The following ZDHHC14 variants were observed in gnomAD, a reference collection of about 807,000 sequenced individuals.
The protein encoded by ZDHHC14 is zDHHC palmitoyltransferase 14.
Under a neutral mutation model 47.7 loss-of-function variants are expected in ZDHHC14, and 16 were observed. That is an observed-to-expected ratio of 0.34 (90% CI 0.23 to 0.51). ZDHHC14 has a LOEUF of 0.51. ZDHHC14 is among the 20% of genes least tolerant of loss of function. ZDHHC14 has a pLI of 0.97. For synonymous variants in ZDHHC14, 293 were observed against 278.9 expected, an observed-to-expected ratio of 1.05 and a Z score of -0.50; for missense variants, 515 against 662.5, an observed-to-expected ratio of 0.78 and a Z score of 2.44.
At chr6:157,452,678 T>C (rs1292571793) in intron 1 of ZDHHC14, among the ~76,000 whole-genome samples, 1 of 145,942 alleles carries the variant, frequency 6.9e-6, no homozygotes, top group African/African-American at 2.5e-5. Context: ...TAAAGATCAC[T>C]AATACATGGG....
At chr6:157,538,149 G>T (rs35949812) in intron 1 of ZDHHC14, among the ~76,000 whole-genome samples, 30,276 of 152,096 alleles carry the variant, frequency 0.2, 3,629 homozygotes, top group East Asian at 0.37. Context: ...GGTGGAACGG[G>T]ACTGTCACAG....
intron 1 of ZDHHC14, among the ~76,000 whole-genome samples, chr6:157,384,530 C>T (rs2749665): frequency 0.84 from 128,549 of 152,162 alleles, 54,585 homozygotes; most frequent in Middle Eastern, 0.95. Context: ...TCTGTGGGAG[C>T]GTATGTGTGT....
rs144414438 is a variant in ZDHHC14, at chr6:157,387,382, G to A, written c.245+5116G>A. 3.8e-3 allele frequency among the ~76,000 whole-genome samples: 576 copies of A among 152,252 alleles called. 8 individuals carry two copies. The highest frequency in any genetic ancestry group is 0.013 in the African/African-American group (548 of 41,544). On this transcript the variant is annotated intron_variant, in intron 1 of 8. Coordinates refer to ENST00000359775, the MANE Select transcript of ZDHHC14 (RefSeq NM_024630.3). ...ATGGGTAACTTATTTTCTAGTAGAGGGTGCTGCCTTTATAATATATAATAA... is the reference window on the plus strand; with the variant it reads ...ATGGGTAACTTATTTTCTAGTAGAGAGTGCTGCCTTTATAATATATAATAA...
At chr6:157,672,609 T>C (rs1778846619) in intron 8 of ZDHHC14, 115 bp from the exon 9 acceptor site, 8 of 1,137,636 alleles carry the variant, frequency 7.0e-6, no homozygotes, top group South Asian at 1.6e-5. Flanking sequence ...TCACTAACGG[T>C]TTCTCTCTTC....
At chr6:157,493,864 T>C (rs1779990027) in intron 1 of ZDHHC14, among the ~76,000 whole-genome samples, 1 of 152,246 alleles carries the variant, frequency 6.6e-6, no homozygotes, top group African/African-American at 2.4e-5. Flanking sequence ...CCAGGGTCAC[T>C]GTGTCCCTCT....
chr6:157,672,627 C>G, intron 8 of ZDHHC14, 97 bp from the exon 9 acceptor site: 1 of 236,474 alleles, frequency 4.2e-6, no homozygotes, highest in Non-Finnish European at 8.6e-6. Flanking sequence ...TTCTCGCACC[C>G]CACCCTCCCC....
chr6:157,570,754 T>C (rs201932980), intron 2 of ZDHHC14, among the ~76,000 whole-genome samples: 6 of 142,270 alleles, frequency 4.2e-5, no homozygotes, highest in African/African-American at 1.5e-4. Context: ...TGTATATACA[T>C]ACACACACAC....
intron 1 of ZDHHC14, among the ~76,000 whole-genome samples, chr6:157,466,226 G>A (rs1460116610): frequency 5.3e-5 from 8 of 152,158 alleles, no homozygotes; most frequent in Admixed American, 1.3e-4. Flanking sequence ...ACCTCTCCCT[G>A]GGTAAGTGCA....
intron 7 of ZDHHC14, among the ~76,000 whole-genome samples, chr6:157,650,543 T>G (rs942978563): frequency 6.6e-6 from 1 of 151,926 alleles, no homozygotes; most frequent in African/African-American, 2.4e-5. Flanking sequence ...AACGCTTGAT[T>G]TTTTTCTCCC....
At chr6:157,614,113 A>G (rs1183894126) in intron 3 of ZDHHC14, among the ~76,000 whole-genome samples, 3 of 152,154 alleles carry the variant, frequency 2.0e-5, no homozygotes, top group Non-Finnish European at 2.9e-5. Flanking sequence ...CACCTGGGTG[A>G]AGACACCGCA....
At chr6:157,485,352 A>G (rs1483290214) in intron 1 of ZDHHC14, among the ~76,000 whole-genome samples, 1 of 152,150 alleles carries the variant, frequency 6.6e-6, no homozygotes, top group Non-Finnish European at 1.5e-5. Flanking sequence ...GTTGGAGGAA[A>G]GGTCTCCACG....
intron 2 of ZDHHC14, among the ~76,000 whole-genome samples, chr6:157,559,553 C>T: frequency 6.6e-6 from 1 of 152,230 alleles, no homozygotes; most frequent in African/African-American, 2.4e-5. Flanking sequence ...AGAGCCCAGC[C>T]ACCCTGCCAT....
intron 1 of ZDHHC14, among the ~76,000 whole-genome samples, chr6:157,386,349 T>C (rs1161908149): frequency 2.0e-5 from 3 of 152,174 alleles, no homozygotes; most frequent in Non-Finnish European, 4.4e-5. Context: ...TCTAAGTTTT[T>C]AAATAAAAAT....
At chr6:157,637,561 C>A (rs1453014738) in intron 5 of ZDHHC14, among the ~76,000 whole-genome samples, 1 of 152,192 alleles carries the variant, frequency 6.6e-6, no homozygotes, top group Non-Finnish European at 1.5e-5. Context: ...CTCTCCAAAT[C>A]TGTACTCCAT....
At chr6:157,519,405 T>A (rs4499956) in intron 1 of ZDHHC14, among the ~76,000 whole-genome samples, 101,263 of 151,420 alleles carry the variant, frequency 0.67, 34,057 homozygotes, top group Admixed American at 0.73. Flanking sequence ...GAGGCTTTCC[T>A]CACTGGAGGC....
At chr6:157,662,602 T>C (rs1448913651) in intron 8 of ZDHHC14, among the ~76,000 whole-genome samples, 2 of 152,236 alleles carry the variant, frequency 1.3e-5, no homozygotes, top group African/African-American at 4.8e-5. Flanking sequence ...ATTCCTTCCG[T>C]CCTCCAATTT....
chr6:157,657,015 A>C (rs1475005225), intron 8 of ZDHHC14, among the ~76,000 whole-genome samples: 1 of 151,662 alleles, frequency 6.6e-6, no homozygotes, highest in Non-Finnish European at 1.5e-5. Flanking sequence ...CATCTCCTGT[A>C]GCATCTTCTT....
chr6:157,641,067 C>T (rs1351136416), intron 5 of ZDHHC14, among the ~76,000 whole-genome samples: 1 of 152,170 alleles, frequency 6.6e-6, no homozygotes, highest in Non-Finnish European at 1.5e-5. Flanking sequence ...GAGATGTTTC[C>T]ATGATGATAC....
At chr6:157,414,724 T>C (rs1481990491) in intron 1 of ZDHHC14, among the ~76,000 whole-genome samples, 1 of 152,058 alleles carries the variant, frequency 6.6e-6, no homozygotes, top group African/African-American at 2.4e-5. Context: ...GTCCATATCG[T>C]ACAGTTGTTG....
Sources: allele counts gnomAD v4.1 joint callset (sites outside exome capture counted in the v4.1 genomes callset), GRCh38; gene constraint gnomAD v4.1.1; transcripts MANE v1.5; gene names NCBI Gene and HGNC (gene_info 2026-07-23, HGNC 2026-07-21).